NFIA: variants seen among roughly 807,000 people sequenced by gnomAD.
NFIA encodes the protein nuclear factor I A.
A neutral mutation model predicts 62.8 loss-of-function variants in NFIA; 8 were observed. That is an observed-to-expected ratio of 0.13 (90% confidence interval 0.07 to 0.23). The LOEUF is 0.23. Among genes scored for constraint, NFIA ranks in the 10% least tolerant of loss-of-function variants. The pLI is 1.00. For synonymous variants in NFIA, 235 were observed against 238.1 expected (o/e 0.99, Z 0.12); for missense variants, 410 against 642.1 (o/e 0.64, Z 3.91).
chr1:61,096,641 C>T (rs1489012447), intron 2 of NFIA, among the ~76,000 whole-genome samples: 1 of 149,358 alleles, frequency 6.7e-6, no homozygotes, highest in Non-Finnish European at 1.5e-5. Context: ...CAACCTCTGC[C>T]TCCTGGGTTC....
chr1:61,192,934 A>T (rs564160717), intron 2 of NFIA, among the ~76,000 whole-genome samples: 34 of 152,280 alleles, frequency 2.2e-4, no homozygotes, highest in African/African-American at 7.9e-4. Flanking sequence ...TTCATCCTGC[A>T]TCTTGGCCTT....
intron 3 of NFIA, among the ~76,000 whole-genome samples, chr1:61,292,125 C>T (rs988664694): frequency 6.6e-6 from 1 of 152,110 alleles, no homozygotes; most frequent in African/African-American, 2.4e-5. Context: ...AGGGAGAATG[C>T]ATTATTAGAA....
At chr1:61,295,737 A>T (rs1270698786) in intron 3 of NFIA, among the ~76,000 whole-genome samples, 1 of 152,154 alleles carries the variant, frequency 6.6e-6, no homozygotes, top group Non-Finnish European at 1.5e-5. Context: ...GCTCCCAAGG[A>T]TTTAGTAAGG....
intron 10 of NFIA, among the ~76,000 whole-genome samples, chr1:61,432,610 T>C (rs2364496): frequency 0.031 from 1,710 of 55,724 alleles, 25 homozygotes; most frequent in African/African-American, 0.078. Context: ...TATATATATA[T>C]ACACACACAC....
intron 2 of NFIA, among the ~76,000 whole-genome samples, chr1:61,159,224 T>C: frequency 6.6e-6 from 1 of 152,014 alleles, no homozygotes; most frequent in East Asian, 1.9e-4. Flanking sequence ...CTGGTGAGAG[T>C]TAACTTCTTA....
At chr1:61,367,519 A>G (rs914784657) in intron 6 of NFIA, among the ~76,000 whole-genome samples, 3 of 152,198 alleles carry the variant, frequency 2.0e-5, no homozygotes, top group African/African-American at 4.8e-5. Flanking sequence ...TCATATTGGC[A>G]CCTGCCCATT....
At chr1:61,394,774 G>C (rs933638226) in intron 7 of NFIA, among the ~76,000 whole-genome samples, 4 of 152,280 alleles carry the variant, frequency 2.6e-5, no homozygotes, top group African/African-American at 9.6e-5. Flanking sequence ...ATCCTATGGG[G>C]TGAATTCAGG....
chr1:61,280,412 A>G (rs1456220536), intron 3 of NFIA, among the ~76,000 whole-genome samples: 2 of 152,188 alleles, frequency 1.3e-5, no homozygotes, highest in Non-Finnish European at 2.9e-5. Context: ...TTCTTCAAAT[A>G]AAATGGGAAT....
At position 61,304,774 on chromosome 1, in the gene NFIA, A is replaced by G. The variant is rs913383601; in HGVS notation, c.625+27189A>G. Reference sequence around the variant, plus strand: ...GAGATACCCAGCTGTATGAGGAATAAATAAGGAAAGAGAACAATAACGTGG... The same window carrying G: ...GAGATACCCAGCTGTATGAGGAATAGATAAGGAAAGAGAACAATAACGTGG... On this transcript the variant is annotated intron_variant, in intron 3 of 10. Coordinates refer to ENST00000403491, the MANE Select transcript of NFIA (RefSeq NM_001134673.4). Among the ~76,000 whole-genome samples the G allele has an allele frequency of 5.3e-5, 8 of 152,306 alleles. 1 individual carries two copies. Among genetic ancestry groups the G allele is most frequent in the Admixed American group, 3.3e-4 (5 of 15,310 alleles).
At chr1:61,227,817 G>A (rs547699972) in intron 2 of NFIA, among the ~76,000 whole-genome samples, 6 of 152,300 alleles carry the variant, frequency 3.9e-5, no homozygotes, top group African/African-American at 1.4e-4. Flanking sequence ...AAGTGGCCTT[G>A]TCTGGTATCA....
chr1:61,284,056 A>C (rs550145401), intron 3 of NFIA, among the ~76,000 whole-genome samples: 51 of 152,346 alleles, frequency 3.3e-4, no homozygotes, highest in South Asian at 1.5e-3. Flanking sequence ...TTCTTTTACA[A>C]TTACCTAGCA....
intron 2 of NFIA, among the ~76,000 whole-genome samples, chr1:61,256,581 AT>A (rs1656413259): frequency 6.6e-6 from 1 of 151,980 alleles, no homozygotes; most frequent in South Asian, 2.1e-4. Context: ...AGTGTTGTTC[AT>A]TTTAAACCAG....
At chr1:61,347,278 A>T (rs1662285434) in intron 4 of NFIA, among the ~76,000 whole-genome samples, 1 of 139,780 alleles carries the variant, frequency 7.2e-6, no homozygotes, top group Admixed American at 8.1e-5. Flanking sequence ...GGTTCACACC[A>T]TTCTCCTGCC....
At chr1:61,156,513 A>G (rs995967451) in intron 2 of NFIA, among the ~76,000 whole-genome samples, 6 of 152,206 alleles carry the variant, frequency 3.9e-5, no homozygotes, top group East Asian at 1.9e-4. Context: ...GCATTGATCT[A>G]TTGTGCCACA....
intron 2 of NFIA, among the ~76,000 whole-genome samples, chr1:61,261,837 T>C (rs532552793): frequency 9.2e-5 from 14 of 152,310 alleles, no homozygotes; most frequent in African/African-American, 3.4e-4. Flanking sequence ...TTAGTAAAAG[T>C]TTCCTCAGTG....
chr1:61,432,953 A>G (rs977275548), intron 10 of NFIA, among the ~76,000 whole-genome samples: 1 of 152,206 alleles, frequency 6.6e-6, no homozygotes, highest in African/African-American at 2.4e-5. Flanking sequence ...AGATGAGGAA[A>G]CCGAAGTTTC....
In NFIA at chr1:61,376,889, A is replaced by G. The variant is rs1165533968; in HGVS notation, c.947-6348A>G. 5.3e-5 allele frequency among the ~76,000 whole-genome samples: 8 copies of G among 152,262 alleles called. No individual in the cohort carries two copies. In the East Asian group the frequency reaches 1.5e-3, roughly 29 times the overall value. On this transcript the variant is annotated intron_variant, in intron 6 of 10. Transcript: ENST00000403491. Reference sequence around the variant, plus strand: ...CTGTAATATTAAGTTATTGGTAGAAAAGATAATAATACCTACCTATCTCAG... The same window carrying G: ...CTGTAATATTAAGTTATTGGTAGAAGAGATAATAATACCTACCTATCTCAG...
intron 2 of NFIA, among the ~76,000 whole-genome samples, chr1:61,243,201 A>G (rs530443877): frequency 2.0e-4 from 31 of 152,300 alleles, no homozygotes; most frequent in African/African-American, 6.7e-4. Context: ...TAGAAGATCA[A>G]TGTTCATTAA....
intron 2 of NFIA, among the ~76,000 whole-genome samples, chr1:61,256,140 C>T (rs1302071915): frequency 1.3e-5 from 2 of 152,092 alleles, no homozygotes; most frequent in Non-Finnish European, 2.9e-5. Flanking sequence ...AAAATCTTAG[C>T]ATGTTGGCCA....
Sources: gnomAD v4.1 joint callset for allele counts (sites outside exome capture counted in the v4.1 genomes callset) on GRCh38, gnomAD v4.1.1 for gene constraint, MANE v1.5 for transcripts, NCBI Gene and HGNC (gene_info 2026-07-23, HGNC 2026-07-21) for gene names.